Variants in SPTLC2 observed in about 807,000 individuals in gnomAD.
SPTLC2 encodes the protein serine palmitoyltransferase 2.
SPTLC2 carries 21 observed loss-of-function variants against 62.0 expected under a neutral mutation model. The observed-to-expected ratio is 0.34, with a 90% CI of 0.24 to 0.49. The LOEUF (loss-of-function observed/expected upper bound fraction) is 0.49. SPTLC2 is among the 20% of genes least tolerant of loss of function. The probability of loss-of-function intolerance (pLI) is 0.99; values close to 1 mark genes in which losing one functional copy is unlikely to be tolerated. For missense variants in SPTLC2, 511 were observed against 713.0 expected (o/e 0.72, Z 3.23); for synonymous variants, 261 against 261.8 (o/e 1.00, Z 0.03).
intron 9 of SPTLC2, among the ~76,000 whole-genome samples, chr14:77,537,746 A>G (rs2079478593): frequency 6.6e-6 from 1 of 152,218 alleles, no homozygotes; most frequent in Non-Finnish European, 1.5e-5. Context: ...TTAACCTCTC[A>G]GCTTCCCCCT....
At chr14:77,514,051 T>C (rs1225789736) in intron 11 of SPTLC2, among the ~76,000 whole-genome samples, 3 of 151,074 alleles carry the variant, frequency 2.0e-5, no homozygotes, top group African/African-American at 7.3e-5. Context: ...GAAAAAAAAA[T>C]TGGCAGGCAT....
At chr14:77,607,236 T>C (rs2079910231) in intron 1 of SPTLC2, among the ~76,000 whole-genome samples, 1 of 152,238 alleles carries the variant, frequency 6.6e-6, no homozygotes, top group Admixed American at 6.5e-5. Context: ...AAGCTGTCTC[T>C]TCCTCCTCAT....
intron 2 of SPTLC2, among the ~76,000 whole-genome samples, chr14:77,591,589 C>T (rs2079816795): frequency 1.3e-5 from 2 of 152,260 alleles, no homozygotes; most frequent in South Asian, 4.1e-4. Flanking sequence ...TTTAGACAAT[C>T]TCGCTCCATT....
chr14:77,560,815 A>C (rs2079610695), intron 6 of SPTLC2, among the ~76,000 whole-genome samples: 1 of 151,982 alleles, frequency 6.6e-6, no homozygotes, highest in Admixed American at 6.6e-5. Flanking sequence ...CACTGAGTAC[A>C]TACAGACACG....
intron 9 of SPTLC2, among the ~76,000 whole-genome samples, chr14:77,539,701 G>A (rs2079490111): frequency 1.3e-5 from 2 of 151,916 alleles, no homozygotes; most frequent in Middle Eastern, 3.4e-3. Context: ...TGTTGGCCAG[G>A]CTGGTCTCAA....
chr14:77,560,102 T>C (rs2079606572), intron 6 of SPTLC2, among the ~76,000 whole-genome samples: 3 of 152,210 alleles, frequency 2.0e-5, no homozygotes, highest in Admixed American at 2.0e-4. Flanking sequence ...AACATATTAT[T>C]TCCTCATTAG....
intron 4 of SPTLC2, among the ~76,000 whole-genome samples, chr14:77,572,674 T>C (rs1380043086): frequency 3.3e-5 from 5 of 152,250 alleles, no homozygotes; most frequent in Non-Finnish European, 4.4e-5. Flanking sequence ...CTGTGATTTA[T>C]TGTAGCCACC....
chr14:77,578,610 C>T (rs553354226), intron 3 of SPTLC2, among the ~76,000 whole-genome samples: 1 of 152,036 alleles, frequency 6.6e-6, no homozygotes, highest in East Asian at 1.9e-4. Context: ...GTCCCAGCTA[C>T]TCGGGAGGCT....
intron 9 of SPTLC2, among the ~76,000 whole-genome samples, chr14:77,532,349 G>A (rs939299144): frequency 5.9e-5 from 9 of 151,962 alleles, no homozygotes; most frequent in South Asian, 2.1e-4. Context: ...AAAAATATTC[G>A]TTTTTTATCT....
At chr14:77,575,328 G>A (rs1371075892) in intron 4 of SPTLC2, among the ~76,000 whole-genome samples, 5 of 151,970 alleles carry the variant, frequency 3.3e-5, no homozygotes, top group South Asian at 4.1e-4. Flanking sequence ...TTTAAATTTC[G>A]TGAGCTGACA....
At chr14:77,550,083 G>A (rs2140015867) in intron 9 of SPTLC2, among the ~76,000 whole-genome samples, 1 of 152,330 alleles carries the variant, frequency 6.6e-6, no homozygotes, top group South Asian at 2.1e-4. Context: ...ATCAGAAGGA[G>A]AGGAGATATA....
In SPTLC2 at chr14:77,546,617, G is replaced by GCAGCT. The variant is rs2079529357; in HGVS notation, c.1303+5478_1303+5479insAGCTG. On this transcript the variant is annotated intron_variant, in intron 9 of 11. Coordinates refer to ENST00000216484, the MANE Select transcript of SPTLC2 (RefSeq NM_004863.4). ...CCCGGGAATCTTACCCCTACCACTG[G>GCAGCT]ACTGTTTTTTCAAAGGCAAAGATCA... is the stretch of plus-strand genomic sequence containing the variant. Among the ~76,000 whole-genome samples, 5 of 152,256 alleles carry GCAGCT rather than the reference G, an allele frequency of 3.3e-5. No individual in the cohort carries two copies. In the East Asian group the frequency reaches 9.6e-4, roughly 29 times the overall value.
At chr14:77,608,220 A>G (rs1361673072) in intron 1 of SPTLC2, among the ~76,000 whole-genome samples, 1 of 152,214 alleles carries the variant, frequency 6.6e-6, no homozygotes, top group Admixed American at 6.5e-5. Context: ...AACATTCAGT[A>G]AACCGCTATT....
At chr14:77,571,552 T>C (rs1356111454) in intron 4 of SPTLC2, among the ~76,000 whole-genome samples, 2 of 151,212 alleles carry the variant, frequency 1.3e-5, no homozygotes, top group African/African-American at 4.9e-5. Flanking sequence ...GTGAACTGAC[T>C]GGTAAATTTG....
At position 77,547,422 on chromosome 14, in the gene SPTLC2, G is replaced by A. The variant is rs564872565; in HGVS notation, c.1303+4674C>T. 2.0e-5 allele frequency: 3 copies of A among 152,248 alleles called. No individual in the cohort carries two copies. In the East Asian group the frequency reaches 5.8e-4, roughly 29 times the overall value. 9.4% of individuals were successfully genotyped at this position (152,248 alleles called of 1,614,324 possible). On this transcript the variant is annotated intron_variant, in intron 9 of 11. Coordinates refer to ENST00000216484, the MANE Select transcript of SPTLC2 (RefSeq NM_004863.4). ...GGGCTCAGGAAGTATGGTGCTTGAC[G>A]GGAGGGTTAAAAGCTGTCAGCCCTG...
intron 9 of SPTLC2, among the ~76,000 whole-genome samples, chr14:77,532,784 A>AAAAAAT (rs1229573519): frequency 6.8e-5 from 10 of 146,930 alleles, no homozygotes; most frequent in Admixed American, 1.5e-4. Flanking sequence ...ACTCTGTCTC[A>AAAAAAT]AAAAATAAAA....
intron 2 of SPTLC2, among the ~76,000 whole-genome samples, chr14:77,593,952 G>A (rs779983765): frequency 7.9e-5 from 12 of 152,064 alleles, no homozygotes; most frequent in Non-Finnish European, 1.2e-4. Context: ...CTGAATTTTT[G>A]TAAGAAAATG....
In SPTLC2 at chr14:77,616,543, T is replaced by C; in HGVS notation, c.37A>G (p.Thr13Ala). 1 of 1,535,994 alleles carries C rather than the reference T, an allele frequency of 6.5e-7. No homozygotes were observed. The highest frequency in any genetic ancestry group is 1.2e-5 in the South Asian group (1 of 84,088). The change falls in exon 1 of 12, where the codon ACG (threonine) becomes GCG (alanine). Residue 13 changes from threonine (T) to alanine (A), a missense_variant. Physicochemically the swap from Thr to Ala is moderately conservative, Grantham distance 58. Coordinates refer to ENST00000216484, the MANE Select transcript of SPTLC2 (RefSeq NM_004863.4). ...GCCACGCAGCCATTCGCCCGCACCG[T>C]GCGGCGGCAGCAGCAGCCTCCGGGC... ...PEPGGCCCRR[T>A]VRANGCVANG... is the part of the protein sequence containing the mutation.
intron 2 of SPTLC2, among the ~76,000 whole-genome samples, chr14:77,583,664 T>C (rs1357295407): frequency 6.6e-6 from 1 of 152,160 alleles, no homozygotes; most frequent in African/African-American, 2.4e-5. Context: ...AATACTCAGT[T>C]ATTGAACATT....
Sources: allele counts gnomAD v4.1 joint callset (sites outside exome capture counted in the v4.1 genomes callset), GRCh38; gene constraint gnomAD v4.1.1; transcripts MANE v1.5; gene names NCBI Gene and HGNC (gene_info 2026-07-23, HGNC 2026-07-21).